The following FMNL2 variants were observed in gnomAD, a reference collection of about 807,000 sequenced individuals.
FMNL2 encodes formin like 2, also known as formin-like protein 2.
In FMNL2, 51 loss-of-function variants were observed where a neutral mutation model predicts 130.2. The ratio of observed to expected loss-of-function variants is 0.39; its 90% confidence interval spans 0.31 to 0.49. FMNL2 has a LOEUF of 0.49. FMNL2 is among the 20% of genes least tolerant of loss of function. The pLI, the probability that FMNL2 is intolerant of heterozygous loss-of-function variation, is 0.85. For missense variants in FMNL2, 977 were observed against 1,316.2 expected (o/e 0.74, Z 3.99); for synonymous variants, 465 against 467.1 (o/e 1.00, Z 0.06).
Position 152,517,965 on chromosome 2 carries a change from G to A in FMNL2, c.118-3978G>A, listed in dbSNP as rs192956925. Among the ~76,000 whole-genome samples the A allele has an allele frequency of 2.1e-4, 32 of 152,234 alleles. 1 individual carries two copies. Among genetic ancestry groups the A allele is most frequent in the Admixed American group, 1.6e-3 (25 of 15,290 alleles). On this transcript the variant is annotated intron_variant, in intron 1 of 25. Coordinates refer to ENST00000288670, the MANE Select transcript of FMNL2 (RefSeq NM_052905.4). ...AGTTGTCACCGTGTTAGGAAGACTC[G>A]GAAATTGATTGATATTTTCAGCCAA...
intron 1 of FMNL2, among the ~76,000 whole-genome samples, chr2:152,389,494 A>G (rs1167939579): frequency 6.6e-6 from 1 of 152,198 alleles, no homozygotes; most frequent in Non-Finnish European, 1.5e-5. Context: ...AGACACATTC[A>G]GTTTATGGCA....
intron 2 of FMNL2, among the ~76,000 whole-genome samples, chr2:152,535,029 G>T (rs1693922719): frequency 6.6e-6 from 1 of 152,172 alleles, no homozygotes; most frequent in Non-Finnish European, 1.5e-5. Context: ...CGCAGAAATG[G>T]CCAACTTTAA....
In FMNL2 at chr2:152,556,602, A is replaced by G. The variant is rs1695221983; in HGVS notation, c.360-2138A>G. Among the ~76,000 whole-genome samples the G allele has an allele frequency of 2.0e-5, 3 of 152,148 alleles. No homozygotes were observed. The South Asian group carries it at 6.2e-4, about 32-fold the overall frequency. On this transcript the variant is annotated intron_variant, in intron 4 of 25. Transcript: ENST00000288670. ...ATTGTAACTCTGGCTGTACTTGGCT[A>G]TTTCCTACCTTAAAAAAATTTAGTT... is the stretch of plus-strand genomic sequence containing the variant.
At chr2:152,515,559 G>A (rs1486281253) in intron 1 of FMNL2, among the ~76,000 whole-genome samples, 1 of 152,122 alleles carries the variant, frequency 6.6e-6, no homozygotes, top group South Asian at 2.1e-4. Context: ...AAGTGGAATT[G>A]TGAGATTGCT....
intron 9 of FMNL2, among the ~76,000 whole-genome samples, chr2:152,587,192 G>A (rs1367925634): frequency 1.3e-5 from 2 of 152,216 alleles, no homozygotes; most frequent in Admixed American, 1.3e-4. Context: ...AGGCTGCTGA[G>A]TGTCTTCTGA....
chr2:152,375,531 A>G (rs1379869748), intron 1 of FMNL2, among the ~76,000 whole-genome samples: 3 of 152,238 alleles, frequency 2.0e-5, no homozygotes, highest in African/African-American at 7.2e-5. Context: ...AATTCAGATG[A>G]CAAGACTTAC....
chr2:152,547,425 ACTT>A (rs1445365865), intron 3 of FMNL2, among the ~76,000 whole-genome samples: 4 of 152,044 alleles, frequency 2.6e-5, no homozygotes, highest in African/African-American at 9.7e-5. Flanking sequence ...TTTATTTCCT[ACTT>A]CTTACTATAC....
At chr2:152,495,640 G>C (rs1691463670) in intron 1 of FMNL2, among the ~76,000 whole-genome samples, 1 of 12,818 alleles carries the variant, frequency 7.8e-5, no homozygotes, top group Admixed American at 1.1e-3. Context: ...GACAGAGTGA[G>C]ACTCCGTCTC....
chr2:152,424,752 T>C (rs1200264235), intron 1 of FMNL2, among the ~76,000 whole-genome samples: 2 of 152,174 alleles, frequency 1.3e-5, no homozygotes, highest in African/African-American at 4.8e-5. Flanking sequence ...CAGACTTTCA[T>C]CCAGTTCAAG....
At chr2:152,582,004 G>C (rs778309016) in intron 9 of FMNL2, among the ~76,000 whole-genome samples, 9 of 152,112 alleles carry the variant, frequency 5.9e-5, no homozygotes, top group African/African-American at 2.2e-4. Flanking sequence ...ACTATATGCC[G>C]GGGCTATACC....
At chr2:152,642,369 T>G (rs553285992) in intron 25 of FMNL2, among the ~76,000 whole-genome samples, 1 of 152,300 alleles carries the variant, frequency 6.6e-6, no homozygotes, top group East Asian at 1.9e-4. Context: ...TTAGGTAGAT[T>G]AGATAGATTA....
chr2:152,483,168 G>A (rs2105243914), intron 1 of FMNL2, among the ~76,000 whole-genome samples: 1 of 152,028 alleles, frequency 6.6e-6, no homozygotes, highest in South Asian at 2.1e-4. Context: ...ATGGTATTTT[G>A]ACTCTTTAAA....
At chr2:152,376,398 G>A (rs899591354) in intron 1 of FMNL2, among the ~76,000 whole-genome samples, 1 of 152,184 alleles carries the variant, frequency 6.6e-6, no homozygotes, top group African/African-American at 2.4e-5. Flanking sequence ...TCTAGGACTG[G>A]GATCCTTCGA....
At chr2:152,415,424 G>T (rs894903118) in intron 1 of FMNL2, among the ~76,000 whole-genome samples, 41 of 152,200 alleles carry the variant, frequency 2.7e-4, no homozygotes, top group African/African-American at 8.4e-4. Flanking sequence ...TACTTCACAG[G>T]CTTGTTGTAG....
chr2:152,375,877 C>CTCTATATATATA lies in FMNL2; in HGVS notation c.117+40158_117+40159insCTATATATATAT, dbSNP rs796954245. Among the ~76,000 whole-genome samples the CTCTATATATATA allele has an allele frequency of 3.6e-3, 404 of 112,418 alleles. 6 individuals are homozygous for CTCTATATATATA. The highest frequency in any genetic ancestry group is 0.013 in the African/African-American group (383 of 28,868). 73.8% of individuals were successfully genotyped at this position (112,418 alleles called of 152,430 possible). ...TCTCTCTCTCTCTCTCTCTCTCTCTCTATATATATATATATATATAATTAT... is the reference window on the plus strand; with the variant it reads ...TCTCTCTCTCTCTCTCTCTCTCTCTCTCTATATATATATATATATATATATATATATAATTAT... On this transcript the variant is annotated intron_variant, in intron 1 of 25. Transcript: ENST00000288670.
At chr2:152,432,457 A>G (rs762406597) in intron 1 of FMNL2, among the ~76,000 whole-genome samples, 30 of 152,182 alleles carry the variant, frequency 2.0e-4, no homozygotes, top group Non-Finnish European at 3.5e-4. Context: ...ACACACATGC[A>G]TGCACACACA....
At chr2:152,412,334 A>C (rs1362381800) in intron 1 of FMNL2, among the ~76,000 whole-genome samples, 1 of 150,998 alleles carries the variant, frequency 6.6e-6, no homozygotes, top group Non-Finnish European at 1.5e-5. Context: ...GAGGATCAAA[A>C]ATTTGCAGTT....
chr2:152,566,940 G>A (rs1471939490), intron 6 of FMNL2, among the ~76,000 whole-genome samples: 2 of 152,178 alleles, frequency 1.3e-5, no homozygotes, highest in African/African-American at 2.4e-5. Flanking sequence ...TGGTAAGACC[G>A]CATGCTTCCT....
Position 152,647,921 on chromosome 2 carries a change from G to A in FMNL2, c.*16G>A. On this transcript the variant is annotated 3_prime_UTR_variant, in exon 26 of 26. Transcript: ENST00000288670. ...AACAATGTGAACCTGAGACTGGCCT[G>A]CATGAATACAGGGTGTGCGTGAATG... 6.2e-7 allele frequency: 1 copy of A among 1,600,352 alleles called. No individual in the cohort carries two copies. Among genetic ancestry groups the A allele is most frequent in the Non-Finnish European group, 8.5e-7 (1 of 1,170,906 alleles).
Sources: gnomAD v4.1 joint callset for allele counts (sites outside exome capture counted in the v4.1 genomes callset) on GRCh38, gnomAD v4.1.1 for gene constraint, MANE v1.5 for transcripts, NCBI Gene and HGNC (gene_info 2026-07-23, HGNC 2026-07-21) for gene names.